The following SIPA1L3 variants were observed in gnomAD, a reference collection of about 807,000 sequenced individuals.
SIPA1L3 encodes signal-induced proliferation-associated 1-like protein 3.
A neutral mutation model predicts 150.1 loss-of-function variants in SIPA1L3; 59 were observed. That is an observed-to-expected ratio of 0.39 (90% CI 0.32 to 0.49). SIPA1L3 has a LOEUF of 0.49. Ranked by LOEUF, SIPA1L3 falls within the 20% of genes least tolerant of loss-of-function variation. The pLI, the probability that SIPA1L3 is intolerant of heterozygous loss-of-function variation, is 0.86. For missense variants in SIPA1L3, 2,211 were observed against 2,489.5 expected, an observed-to-expected ratio of 0.89 and a Z score of 2.38; for synonymous variants, 1,070 against 1,077.6, an observed-to-expected ratio of 0.99 and a Z score of 0.14.
chr19:38,142,768 C>T (rs1600129751), intron 12 of SIPA1L3, 58 bp downstream of exon 12: 1 of 1,555,058 alleles, frequency 6.4e-7, no homozygotes, highest in East Asian at 2.3e-5. Context: ...GTGCCTCCTT[C>T]TTCCCCAGCA....
chr19:38,142,841 A>C, intron 12 of SIPA1L3, 131 bp downstream of exon 12: 1 of 1,182,580 alleles, frequency 8.5e-7, no homozygotes. Flanking sequence ...GAAGGTCCTC[A>C]GAGGAGCCCC....
Position 38,119,332 on chromosome 19 carries a change from C to G in SIPA1L3, c.2318C>G (p.Ala773Gly). ...YSMAVTRSKDAPPFGPPIPSG... is the reference protein window; with the variant it reads ...YSMAVTRSKDGPPFGPPIPSG... ...ATGGCTGTGACCCGATCCAAAGACG[C>G]TCCTCCTTTCGGCCCCCCCATCCCC... The change falls in exon 9 of 22, where the codon GCT becomes GGT. Residue 773 changes from alanine (A) to glycine (G), a missense_variant. Ala to Gly is a moderately conservative substitution (Grantham distance 60). Coordinates refer to ENST00000222345, the MANE Select transcript of SIPA1L3 (RefSeq NM_015073.3). 1 of 1,614,060 alleles carries G rather than the reference C, an allele frequency of 6.2e-7. No individual in the cohort carries two copies. Among genetic ancestry groups the G allele is most frequent in the Non-Finnish European group, 8.5e-7 (1 of 1,179,962 alleles).
intron 8 of SIPA1L3, among the ~76,000 whole-genome samples, chr19:38,118,595 G>A (rs373438737): frequency 4.6e-5 from 7 of 151,346 alleles, no homozygotes; most frequent in Admixed American, 1.3e-4. Flanking sequence ...GTGCAGTGGC[G>A]CCATCTTGGC....
intron 13 of SIPA1L3, among the ~76,000 whole-genome samples, chr19:38,160,552 C>T (rs1236668102): frequency 6.6e-6 from 1 of 152,136 alleles, no homozygotes; most frequent in Non-Finnish European, 1.5e-5. Flanking sequence ...CAGGCGTGCA[C>T]CACCACACCC....
chr19:38,161,933 T>C (rs1010551830), intron 13 of SIPA1L3, among the ~76,000 whole-genome samples: 37 of 151,832 alleles, frequency 2.4e-4, no homozygotes, highest in African/African-American at 9.0e-4. Flanking sequence ...TCCTAGCTAC[T>C]TGGGAGGCTG....
intron 1 of SIPA1L3, among the ~76,000 whole-genome samples, chr19:37,984,110 G>A (rs1467086397): frequency 6.6e-6 from 1 of 152,158 alleles, no homozygotes; most frequent in Non-Finnish European, 1.5e-5. Flanking sequence ...TTTTGCAGAT[G>A]CGCTGTCCTT....
In SIPA1L3 at chr19:38,082,460, T is replaced by G. The variant is rs890773594; in HGVS notation, c.895T>G (p.Ser299Ala). 4 of 1,589,262 alleles carry G rather than the reference T, an allele frequency of 2.5e-6. No individual in the cohort carries two copies. Among genetic ancestry groups the G allele is most frequent in the Non-Finnish European group, 3.4e-6 (4 of 1,168,300 alleles). The change falls in exon 3 of 22, where the codon TCG becomes GCG. Residue 299 changes from serine (S) to alanine (A), a missense_variant. By Grantham distance (99) the Ser-to-Ala change is moderately conservative. Around this residue, in one of 5 missense-constraint regions of SIPA1L3, gnomAD observed 587 missense variants for 534.5 expected, o/e 1.10. Coordinates refer to ENST00000222345, the MANE Select transcript of SIPA1L3 (RefSeq NM_015073.3). ...CCTCGGCGGCGGGGACACGGTGGAC[T>G]CGTCCATCTTTCGGAAGCTAAGGAG... ...RGLGGGDTVD[S>A]SIFRKLRSSK...
In SIPA1L3 at chr19:37,991,129, G is replaced by C. The variant is rs147549191; in HGVS notation, c.-378-37960G>C. Among the ~76,000 whole-genome samples the C allele has an allele frequency of 2.6e-4, 40 of 152,292 alleles. No homozygotes were observed. The South Asian group carries it at 3.9e-3, about 15-fold the overall frequency. On this transcript the variant is annotated intron_variant, in intron 1 of 21. Transcript: ENST00000222345. ...TGTCTGTAATCCCAGCTACTTGGGA[G>C]GCTGAGGCATGAGAATCGCTTGAAC...
chr19:38,000,972 CATAT>C (rs72101027), intron 1 of SIPA1L3, among the ~76,000 whole-genome samples: 3 of 142,950 alleles, frequency 2.1e-5, no homozygotes, highest in Admixed American at 7.0e-5. Flanking sequence ...ACATATATAA[CATAT>C]ATAACACACA....
intron 7 of SIPA1L3, among the ~76,000 whole-genome samples, chr19:38,107,798 G>A (rs1320033821): frequency 6.6e-6 from 1 of 152,124 alleles, no homozygotes; most frequent in Non-Finnish European, 1.5e-5. Flanking sequence ...CCAATATGGT[G>A]AAACCCCATC....
chr19:37,933,766 C>CA (rs749195651), intron 1 of SIPA1L3, among the ~76,000 whole-genome samples: 2 of 152,218 alleles, frequency 1.3e-5, no homozygotes, highest in Non-Finnish European at 2.9e-5. Flanking sequence ...GCAACCCCTG[C>CA]AGTCTGTGCA....
intron 1 of SIPA1L3, among the ~76,000 whole-genome samples, chr19:37,933,527 TTC>T (rs1481631374): frequency 1.3e-5 from 2 of 152,344 alleles, no homozygotes; most frequent in East Asian, 3.9e-4. Flanking sequence ...TGTAGAACCG[TTC>T]CTGGCACGTG....
At chr19:38,085,503 G>C (rs1452349749) in intron 3 of SIPA1L3, among the ~76,000 whole-genome samples, 1 of 146,652 alleles carries the variant, frequency 6.8e-6, no homozygotes, top group Non-Finnish European at 1.5e-5. Flanking sequence ...AAAAAAAGAA[G>C]TTCCAGACAG....
chr19:38,206,364 G>A lies in SIPA1L3; in HGVS notation c.*124G>A. 2 of 1,207,934 alleles carry A rather than the reference G, an allele frequency of 1.7e-6. No homozygotes were observed. The highest frequency in any genetic ancestry group is 2.3e-6 in the Non-Finnish European group (2 of 881,034). The allele number at this position is 1,207,934 out of a possible 1,614,324, so 74.8% of individuals were successfully genotyped here. On this transcript the variant is annotated 3_prime_UTR_variant, in exon 22 of 22. Transcript: ENST00000222345. ...TGACCCATCCAGGGCCCTCCCCATG[G>A]ACACGGAAACTCCGATGGCCTCACT...
At position 38,192,247 on chromosome 19, in the gene SIPA1L3, G is replaced by C. The variant is rs773799173; in HGVS notation, c.4533G>C (p.Glu1511Asp). The change falls in exon 17 of 22, where the codon GAG (glutamate) becomes GAC (aspartate). Residue 1511 changes from glutamate to aspartate, a missense_variant. Physicochemically the swap from Glu to Asp is conservative, Grantham distance 45. Coordinates refer to ENST00000222345, the MANE Select transcript of SIPA1L3 (RefSeq NM_015073.3). ...GGAAGAACTACAAATCCACCATCGAGGATGACCTGAAGAAACTCATCATCA... is the reference window on the plus strand; with the variant it reads ...GGAAGAACTACAAATCCACCATCGACGATGACCTGAAGAAACTCATCATCA... ...SPRKNYKSTIEDDLKKLIIMD... is the reference protein window; with the variant it reads ...SPRKNYKSTIDDDLKKLIIMD... The C allele has an allele frequency of 6.2e-7, 1 of 1,613,684 alleles. No homozygotes were observed. The highest frequency in any genetic ancestry group is 1.1e-5 in the South Asian group (1 of 91,038).
chr19:38,161,320 G>A (rs2145978056), intron 13 of SIPA1L3, among the ~76,000 whole-genome samples: 1 of 130,452 alleles, frequency 7.7e-6, no homozygotes, highest in East Asian at 2.3e-4. Context: ...TAGCCTGGGT[G>A]ACAGAGCAAG....
At chr19:38,205,549 C>T (rs531444639) in intron 21 of SIPA1L3, among the ~76,000 whole-genome samples, 14 of 151,900 alleles carry the variant, frequency 9.2e-5, no homozygotes, top group South Asian at 4.2e-4. Context: ...GTATATAATG[C>T]GTAAGTCTTC....
intron 2 of SIPA1L3, among the ~76,000 whole-genome samples, chr19:38,044,124 G>A (rs1968995352): frequency 6.6e-6 from 1 of 152,214 alleles, no homozygotes; most frequent in Non-Finnish European, 1.5e-5. Flanking sequence ...TGAGGTTTGG[G>A]CCTGGACACC....
intron 1 of SIPA1L3, among the ~76,000 whole-genome samples, chr19:37,959,817 CT>C (rs34291572): frequency 0.12 from 15,089 of 128,680 alleles, 858 homozygotes; most frequent in African/African-American, 0.17. Flanking sequence ...AAAAAACTTT[CT>C]TTTTTTTTTT....
Sources: gnomAD v4.1 joint callset for allele counts (sites outside exome capture counted in the v4.1 genomes callset) on GRCh38, gnomAD v4.1.1 for gene constraint, gnomAD v4.1.1 regional missense constraint, MANE v1.5 for transcripts, NCBI Gene and HGNC (gene_info 2026-07-23, HGNC 2026-07-21) for gene names.